CSMD1: variants seen among roughly 807,000 people sequenced by gnomAD.
The protein encoded by CSMD1 is CUB and sushi domain-containing protein 1.
In CSMD1, 213 loss-of-function variants were observed where a neutral mutation model predicts 417.5. The observed-to-expected ratio is 0.51, with a 90% CI of 0.46 to 0.57. CSMD1 has a LOEUF of 0.57. CSMD1 is among the 20% of genes least tolerant of loss of function. The probability of loss-of-function intolerance (pLI) is 0.00; values close to 1 mark genes in which losing one functional copy is unlikely to be tolerated. For missense variants in CSMD1, 6,923 were observed against 4,529.7 expected (o/e 1.53, Z -15.17); for synonymous variants, 2,862 against 1,736.8 (o/e 1.65, Z -16.11).
chr8:3,203,251 C>T (rs929851853), intron 31 of CSMD1, among the ~76,000 whole-genome samples: 1 of 152,146 alleles, frequency 6.6e-6, no homozygotes, highest in Non-Finnish European at 1.5e-5. Context: ...AGCCAGAATG[C>T]CCAGCTCATT....
chr8:4,155,047 GA>G (rs1256415598), intron 3 of CSMD1, among the ~76,000 whole-genome samples: 1 of 152,196 alleles, frequency 6.6e-6, no homozygotes, highest in African/African-American at 2.4e-5. Context: ...CACTGCTGCA[GA>G]ATTTGTCCTG....
At chr8:4,240,669 T>C (rs1229483913) in intron 3 of CSMD1, among the ~76,000 whole-genome samples, 1 of 152,192 alleles carries the variant, frequency 6.6e-6, no homozygotes, top group African/African-American at 2.4e-5. Context: ...TATACACTCC[T>C]GGCTCCCATC....
chr8:4,191,370 TG>T (rs1799022026), intron 3 of CSMD1, among the ~76,000 whole-genome samples: 1 of 151,928 alleles, frequency 6.6e-6, no homozygotes, highest in East Asian at 1.9e-4. Flanking sequence ...CACTCCAGCC[TG>T]GGCAACAGAG....
At chr8:4,437,509 G>C (rs994641933) in intron 2 of CSMD1, among the ~76,000 whole-genome samples, 1 of 152,044 alleles carries the variant, frequency 6.6e-6, no homozygotes, top group East Asian at 1.9e-4. Context: ...ACATAGCCGC[G>C]TATGTATTTT....
chr8:4,375,687 G>A (rs1307221418), intron 3 of CSMD1, among the ~76,000 whole-genome samples: 1 of 152,090 alleles, frequency 6.6e-6, no homozygotes, highest in Non-Finnish European at 1.5e-5. Flanking sequence ...CAGAGTGAGA[G>A]GGGTAATTAA....
rs1163892696 is a variant in CSMD1, at chr8:4,118,535, A to C, written c.416-86436T>G. 3.9e-5 allele frequency among the ~76,000 whole-genome samples: 6 copies of C among 152,336 alleles called. No homozygotes were observed. In the East Asian group the frequency reaches 9.7e-4, roughly 25 times the overall value. On this transcript the variant is annotated intron_variant, in intron 3 of 69. Transcript: ENST00000635120. The stretch of plus-strand genomic sequence containing the variant: ...ACTAGAGAAATGCAAACCAAACCAA[A>C]ATGGGATACCATCTCACGCCAGTAA...
chr8:3,826,139 C>A (rs903849216), intron 5 of CSMD1, among the ~76,000 whole-genome samples: 2 of 151,984 alleles, frequency 1.3e-5, no homozygotes, highest in African/African-American at 4.8e-5. Context: ...ACTCACACTG[C>A]GAATGAATAC....
intron 1 of CSMD1, among the ~76,000 whole-genome samples, chr8:4,857,387 G>C (rs1801866399): frequency 6.6e-6 from 1 of 151,902 alleles, no homozygotes; most frequent in African/African-American, 2.4e-5. Context: ...ACATTCAAAA[G>C]CTAGCAGAAG....
intron 3 of CSMD1, among the ~76,000 whole-genome samples, chr8:4,218,678 C>T (rs369594833): frequency 1.3e-5 from 2 of 152,174 alleles, no homozygotes; most frequent in African/African-American, 4.8e-5. Flanking sequence ...GGCTCTAAAG[C>T]TTGGATACAT....
chr8:3,151,440 G>A lies in CSMD1; in HGVS notation c.5988C>T (p.Asn1996=). The change falls in exon 40 of 70, where the codon AAC becomes AAT. Residue 1996 remains asparagine (N), a synonymous_variant. Transcript: ENST00000635120. Reference sequence around the variant, plus strand: ...AGATCCTCCAGGTGCAGTCTAAGTTGTTGGGGTAAGAACCTGGGAAGCCGG... The same window carrying A: ...AGATCCTCCAGGTGCAGTCTAAGTTATTGGGGTAAGAACCTGGGAAGCCGG... ...LSPGFPGSYP[N]NLDCTWRISL... 3.1e-6 allele frequency: 5 copies of A among 1,613,824 alleles called. No individual in the cohort carries two copies. The highest frequency in any genetic ancestry group is 4.2e-6 in the Non-Finnish European group (5 of 1,179,820).
chr8:3,016,753 T>C (rs759299607), intron 52 of CSMD1, among the ~76,000 whole-genome samples: 7 of 152,228 alleles, frequency 4.6e-5, no homozygotes, highest in Non-Finnish European at 2.9e-5. Context: ...GGCATTTTTC[T>C]TCTTCCTTAT....
intron 1 of CSMD1, among the ~76,000 whole-genome samples, chr8:4,894,539 C>G (rs911928498): frequency 7.6e-6 from 1 of 130,804 alleles, no homozygotes; most frequent in Non-Finnish European, 1.6e-5. Context: ...GGGACAACAG[C>G]GAGAACTCAT....
chr8:4,960,987 C>G lies in CSMD1; in HGVS notation c.85+33345G>C, dbSNP rs1809440267. On this transcript the variant is annotated intron_variant, in intron 1 of 69. Coordinates refer to ENST00000635120, the MANE Select transcript of CSMD1 (RefSeq NM_033225.6). ...CTTAGCCCATCTTATCTATTGACAT[C>G]CTAACATCATAGATGAGCATTTTAC... 2.0e-5 allele frequency among the ~76,000 whole-genome samples: 3 copies of G among 152,028 alleles called. No homozygotes were observed. The East Asian group carries it at 5.8e-4, about 29-fold the overall frequency.
intron 1 of CSMD1, among the ~76,000 whole-genome samples, chr8:4,826,730 A>G (rs1388700798): frequency 6.6e-6 from 1 of 152,118 alleles, no homozygotes; most frequent in Admixed American, 6.6e-5. Context: ...CTCATGCCCC[A>G]TAACCCAATG....
At chr8:3,762,904 A>T (rs1380319614) in intron 5 of CSMD1, among the ~76,000 whole-genome samples, 1 of 152,156 alleles carries the variant, frequency 6.6e-6, no homozygotes, top group Non-Finnish European at 1.5e-5. Context: ...TACTGAATAA[A>T]ATCAACTTTC....
At chr8:3,055,199 C>A (rs769543145) in intron 49 of CSMD1, among the ~76,000 whole-genome samples, 3 of 152,200 alleles carry the variant, frequency 2.0e-5, no homozygotes, top group Non-Finnish European at 2.9e-5. Flanking sequence ...AATTCATACT[C>A]GGGAGACCAA....
At chr8:4,373,805 G>C (rs543348533) in intron 3 of CSMD1, among the ~76,000 whole-genome samples, 1 of 152,084 alleles carries the variant, frequency 6.6e-6, no homozygotes, top group Non-Finnish European at 1.5e-5. Context: ...TGTTATAGTC[G>C]TCAAAGCCTG....
intron 3 of CSMD1, among the ~76,000 whole-genome samples, chr8:4,301,687 T>A (rs955951628): frequency 6.6e-6 from 1 of 152,222 alleles, no homozygotes; most frequent in Non-Finnish European, 1.5e-5. Flanking sequence ...TGGACCAGAT[T>A]ATTATTTTTC....
At chr8:3,068,606 T>C (rs1344276618) in intron 49 of CSMD1, among the ~76,000 whole-genome samples, 2 of 152,240 alleles carry the variant, frequency 1.3e-5, no homozygotes, top group Non-Finnish European at 2.9e-5. Flanking sequence ...TGCTGGCATC[T>C]GCTTGGCTTC....
Sources: allele counts gnomAD v4.1 joint callset (sites outside exome capture counted in the v4.1 genomes callset), GRCh38; gene constraint gnomAD v4.1.1; transcripts MANE v1.5; gene names NCBI Gene and HGNC (gene_info 2026-07-23, HGNC 2026-07-21).